The following PTK2 variants were observed in gnomAD, a reference collection of about 807,000 sequenced individuals.
PTK2 encodes the protein focal adhesion kinase 1.
Under a neutral mutation model 150.1 loss-of-function variants are expected in PTK2, and 45 were observed. The observed-to-expected ratio is 0.30, with a 90% CI of 0.24 to 0.38. The LOEUF (loss-of-function observed/expected upper bound fraction) is 0.38, where lower values mean the gene tolerates loss of function less well. Among genes scored for constraint, PTK2 ranks in the 10% least tolerant of loss-of-function variants. The probability of loss-of-function intolerance (pLI) is 1.00; values close to 1 mark genes in which losing one functional copy is unlikely to be tolerated. For missense variants in PTK2, 919 were observed against 1,307.3 expected, an observed-to-expected ratio of 0.70 and a Z score of 4.58; for synonymous variants, 432 against 449.2, an observed-to-expected ratio of 0.96 and a Z score of 0.48.
At chr8:140,983,239 T>C (rs1162610606) in intron 1 of PTK2, among the ~76,000 whole-genome samples, 2 of 151,888 alleles carry the variant, frequency 1.3e-5, no homozygotes, top group African/African-American at 2.4e-5. Context: ...ATGCAAAAAT[T>C]AGCCACACAT....
chr8:140,892,121 T>A (rs1414257621), intron 2 of PTK2, among the ~76,000 whole-genome samples: 1 of 152,144 alleles, frequency 6.6e-6, no homozygotes, highest in Non-Finnish European at 1.5e-5. Flanking sequence ...GGTGGGAGGA[T>A]AGCTTGAGCC....
intron 14 of PTK2, 189 bp from the exon 17 acceptor site, chr8:140,764,479 T>G: frequency 3.5e-6 from 2 of 578,948 alleles, no homozygotes; most frequent in Middle Eastern, 9.1e-4. Context: ...CATTGTCCAA[T>G]ACGTTATAAT....
At chr8:140,886,280 G>A (rs1016930448) in intron 3 of PTK2, among the ~76,000 whole-genome samples, 1 of 152,154 alleles carries the variant, frequency 6.6e-6, no homozygotes, top group African/African-American at 2.4e-5. Context: ...TACAAATGTT[G>A]GGGAAAGGGA....
At chr8:140,931,488 C>T (rs1194596689) in intron 1 of PTK2, among the ~76,000 whole-genome samples, 3 of 152,018 alleles carry the variant, frequency 2.0e-5, no homozygotes, top group Non-Finnish European at 2.9e-5. Context: ...TTGCTTGAGA[C>T]GGAGGAGGCT....
At chr8:140,665,346 A>G (rs972217864) in intron 30 of PTK2, among the ~76,000 whole-genome samples, 2 of 152,272 alleles carry the variant, frequency 1.3e-5, no homozygotes, top group African/African-American at 4.8e-5. Context: ...AACCCTGCCA[A>G]CACAGGTTAG....
chr8:140,969,359 A>G (rs553870438), intron 1 of PTK2, among the ~76,000 whole-genome samples: 1 of 152,350 alleles, frequency 6.6e-6, no homozygotes, highest in South Asian at 2.1e-4. Context: ...AACAGCTATT[A>G]TACAAATAAT....
chr8:140,920,927 T>A, intron 2 of PTK2: 2 of 1,498,902 alleles, frequency 1.3e-6, no homozygotes, highest in Admixed American at 4.8e-5. Flanking sequence ...CCCAATCCTA[T>A]AAAGATCAAG....
chr8:140,714,891 A>G (rs1382361860), intron 23 of PTK2, among the ~76,000 whole-genome samples: 2 of 151,440 alleles, frequency 1.3e-5, no homozygotes, highest in East Asian at 3.9e-4. Context: ...AATCTACTGA[A>G]TTCTCACTTC....
chr8:140,692,064 TA>T (rs1426547203), intron 26 of PTK2, among the ~76,000 whole-genome samples: 1 of 152,244 alleles, frequency 6.6e-6, no homozygotes, highest in Non-Finnish European at 1.5e-5. Context: ...TTACATGAAT[TA>T]ATCTATTTTT....
intron 1 of PTK2, among the ~76,000 whole-genome samples, chr8:140,933,579 G>A (rs2100172656): frequency 1.3e-5 from 2 of 152,206 alleles, no homozygotes; most frequent in Non-Finnish European, 2.9e-5. Context: ...GAAAAGGAAT[G>A]AAGTACTGAT....
intron 17 of PTK2, 138 bp downstream of exon 20, chr8:140,752,094 A>T: frequency 1.3e-6 from 1 of 764,642 alleles, no homozygotes; most frequent in South Asian, 1.6e-5. Context: ...AAATTTAGAC[A>T]TTAATTTGCA....
rs765858727 is a variant in PTK2, at chr8:140,706,221, A to G, written c.2143-16T>C. The G allele has an allele frequency of 2.5e-6, 4 of 1,588,616 alleles. No individual in the cohort carries two copies. The East Asian group carries it at 8.9e-5, about 36-fold the overall frequency. ...GTCTGCTGGGCTGTAAAATCAAGAG[A>G]GCATCATATGAATGAACCTTTTGAT... On this transcript the variant is annotated splice_polypyrimidine_tract_variant and intron_variant, in intron 23 of 31. Transcript: ENST00000522684.
chr8:140,784,617 T>C (rs962142285), intron 14 of PTK2, among the ~76,000 whole-genome samples: 1 of 152,172 alleles, frequency 6.6e-6, no homozygotes, highest in African/African-American at 2.4e-5. Flanking sequence ...TCTTTCAGCA[T>C]ACTTACAGGT....
At chr8:140,711,247 T>C (rs947241399) in intron 23 of PTK2, among the ~76,000 whole-genome samples, 11 of 152,178 alleles carry the variant, frequency 7.2e-5, no homozygotes, top group South Asian at 2.1e-4. Flanking sequence ...GCTGGGATTA[T>C]AGGTGCATAC....
intron 5 of PTK2, among the ~76,000 whole-genome samples, chr8:140,860,657 G>A (rs1409983586): frequency 6.6e-6 from 1 of 152,130 alleles, no homozygotes; most frequent in East Asian, 1.9e-4. Flanking sequence ...ATTTTTAGTA[G>A]AGACGGAGTT....
At chr8:140,668,272 C>G in exon 30 of PTK2, 1 of 1,614,100 alleles carries the variant, frequency 6.2e-7, no homozygotes, top group Non-Finnish European at 8.5e-7. Context: ...ATTTTACCTT[C>G]ACCATAGGGA....
At chr8:140,690,463 C>T (rs2100022492) in intron 26 of PTK2, among the ~76,000 whole-genome samples, 1 of 152,116 alleles carries the variant, frequency 6.6e-6, no homozygotes, top group African/African-American at 2.4e-5. Flanking sequence ...ACCCACCAGG[C>T]CCAACTTACG....
At chr8:140,734,964 C>A in intron 22 of PTK2, 1 of 468,580 alleles carries the variant, frequency 2.1e-6, no homozygotes, top group Non-Finnish European at 3.9e-6. Flanking sequence ...GTGAGGAAAG[C>A]CGGGACTAAG....
chr8:140,920,267 G>A (rs949267165), intron 2 of PTK2, among the ~76,000 whole-genome samples: 3 of 152,064 alleles, frequency 2.0e-5, no homozygotes, highest in East Asian at 1.9e-4. Flanking sequence ...ATGTTACAAT[G>A]AAAATGCTAT....
Sources: gnomAD v4.1 joint callset for allele counts (sites outside exome capture counted in the v4.1 genomes callset) on GRCh38, gnomAD v4.1.1 for gene constraint, MANE v1.5 for transcripts, NCBI Gene and HGNC (gene_info 2026-07-23, HGNC 2026-07-21) for gene names.